The following TBXAS1 variants were observed in gnomAD, a reference collection of about 807,000 sequenced individuals.
The protein encoded by TBXAS1 is thromboxane-A synthase.
A neutral mutation model predicts 60.7 loss-of-function variants in TBXAS1; 48 were observed. The observed-to-expected ratio is 0.79, with a 90% CI of 0.63 to 1.01. TBXAS1 has a LOEUF of 1.01. TBXAS1 is among the 50% of genes least tolerant of loss of function. The pLI, the probability that TBXAS1 is intolerant of heterozygous loss-of-function variation, is 0.00. For synonymous variants in TBXAS1, 287 were observed against 269.7 expected, an observed-to-expected ratio of 1.06 and a Z score of -0.63; for missense variants, 685 against 686.3, an observed-to-expected ratio of 1.00 and a Z score of 0.02.
At chr7:139,963,235 C>A (rs1318180333) in intron 9 of TBXAS1, among the ~76,000 whole-genome samples, 1 of 152,202 alleles carries the variant, frequency 6.6e-6, no homozygotes, top group East Asian at 1.9e-4. Flanking sequence ...ATGACAACTG[C>A]CAAGCTGGGC....
intron 4 of TBXAS1, among the ~76,000 whole-genome samples, chr7:139,811,752 T>G (rs1381524208): frequency 6.6e-6 from 1 of 152,234 alleles, no homozygotes; most frequent in African/African-American, 2.4e-5. Flanking sequence ...AAGCTGGATT[T>G]GACTGCTTTA....
intron 5 of TBXAS1, among the ~76,000 whole-genome samples, chr7:139,944,235 A>G (rs928819868): frequency 6.6e-5 from 10 of 152,204 alleles, no homozygotes; most frequent in African/African-American, 2.4e-4. Context: ...CTGTTTTGAC[A>G]GAGGGAGAAG....
chr7:139,802,773 GA>G (rs1206974743), intron 4 of TBXAS1, among the ~76,000 whole-genome samples: 2 of 152,166 alleles, frequency 1.3e-5, no homozygotes, highest in Non-Finnish European at 2.9e-5. Context: ...GACAGAGTGA[GA>G]CTTGGTCTCA....
chr7:139,788,472 C>T (rs1307617122), intron 4 of TBXAS1, among the ~76,000 whole-genome samples: 2 of 152,196 alleles, frequency 1.3e-5, no homozygotes, highest in Non-Finnish European at 2.9e-5. Context: ...TTACTTGTGG[C>T]TCAATAAATA....
chr7:139,837,615 G>T (rs1799153301), intron 1 of TBXAS1, among the ~76,000 whole-genome samples: 1 of 152,186 alleles, frequency 6.6e-6, no homozygotes, highest in Non-Finnish European at 1.5e-5. Flanking sequence ...AAGCTATGAG[G>T]ATCCAAAGGC....
At chr7:139,986,914 T>A (rs1372406060) in intron 9 of TBXAS1, among the ~76,000 whole-genome samples, 1 of 151,788 alleles carries the variant, frequency 6.6e-6, no homozygotes, top group African/African-American at 2.4e-5. Context: ...TTAACCACTA[T>A]GCGATCTTGG....
chr7:140,020,293 A>G lies in TBXAS1; in HGVS notation c.*194A>G, dbSNP rs1815459611. On this transcript the variant is annotated 3_prime_UTR_variant, in exon 13 of 13. Transcript: ENST00000448866. The stretch of plus-strand genomic sequence containing the variant: ...GTTGCACTTGGTTTTGACATTGCCA[A>G]TGGGGTTTGAACCAGTGCTCTCTCT... 8 of 699,158 alleles carry G rather than the reference A, an allele frequency of 1.1e-5. No homozygotes were observed. Among genetic ancestry groups the G allele is most frequent in the East Asian group, 2.7e-5 (1 of 36,652 alleles). The allele number at this position is 699,158 out of a possible 1,614,324, so 43.3% of individuals were successfully genotyped here.
rs148258306 is a variant in TBXAS1 at position 139,955,598 on chromosome 7, G to T, written c.679G>T (p.Val227Phe). ...FEFCIPRPILVLLLSFPSIMV... is the reference protein window; with the variant it reads ...FEFCIPRPILFLLLSFPSIMV... The stretch of plus-strand genomic sequence containing the variant: ...ATTCTGCATCCCCAGACCTATCCTG[G>T]TTTTACTCTGTAAGTGCGGCTGCAG... Residue 227 changes from valine to phenylalanine, a missense_variant, in exon 7 of 13, where the codon GTT (valine) becomes TTT (phenylalanine). Val to Phe is a conservative substitution (Grantham distance 50). Coordinates refer to ENST00000448866, the MANE Select transcript of TBXAS1 (RefSeq NM_001061.7). 1.9e-6 allele frequency: 3 copies of T among 1,614,046 alleles called. No homozygotes were observed. Among genetic ancestry groups the T allele is most frequent in the Non-Finnish European group, 2.5e-6 (3 of 1,180,052 alleles).
intron 4 of TBXAS1, among the ~76,000 whole-genome samples, chr7:139,816,872 G>A (rs559110032): frequency 4.6e-5 from 7 of 152,132 alleles, no homozygotes; most frequent in African/African-American, 7.2e-5. Flanking sequence ...AGGCTTCCTC[G>A]TAGGGCTGCG....
chr7:139,924,891 C>A (rs1324733871), intron 4 of TBXAS1, among the ~76,000 whole-genome samples: 6 of 152,042 alleles, frequency 3.9e-5, no homozygotes, highest in African/African-American at 1.4e-4. Flanking sequence ...CCACTTTTTC[C>A]AGCACCATTT....
intron 1 of TBXAS1, among the ~76,000 whole-genome samples, chr7:139,833,604 A>G (rs1798861637): frequency 6.6e-6 from 1 of 151,836 alleles, no homozygotes; most frequent in African/African-American, 2.4e-5. Flanking sequence ...CGAATCACTT[A>G]AATCTGGGAG....
At chr7:139,802,654 G>A (rs573197734) in intron 4 of TBXAS1, among the ~76,000 whole-genome samples, 24 of 152,254 alleles carry the variant, frequency 1.6e-4, no homozygotes, top group African/African-American at 4.6e-4. Context: ...GTGTGGTGGC[G>A]TGTGCCTGTA....
chr7:139,919,612 A>G (rs1584855292), intron 4 of TBXAS1, among the ~76,000 whole-genome samples: 4 of 152,318 alleles, frequency 2.6e-5, no homozygotes, highest in South Asian at 4.1e-4. Flanking sequence ...TCCCGATAAT[A>G]CATGAACCCG....
At chr7:139,998,465 GAAGACCTGGATTCA>G (rs1813447640) in intron 9 of TBXAS1, among the ~76,000 whole-genome samples, 1 of 152,154 alleles carries the variant, frequency 6.6e-6, no homozygotes, top group African/African-American at 2.4e-5. Flanking sequence ...CTTGGAATTT[GAAGACCTGGATTCA>G]GTTCCAACTC....
intron 1 of TBXAS1, among the ~76,000 whole-genome samples, chr7:139,857,348 CT>C (rs1226025689): frequency 6.6e-6 from 1 of 151,560 alleles, no homozygotes; most frequent in South Asian, 2.1e-4. Context: ...AGCCATTACT[CT>C]TTTTTTTTCT....
chr7:139,901,123 C>A (rs188248814), intron 3 of TBXAS1, among the ~76,000 whole-genome samples: 2 of 152,340 alleles, frequency 1.3e-5, no homozygotes, highest in East Asian at 3.9e-4. Flanking sequence ...CTAGGACACA[C>A]TTCCCTTACA....
At chr7:139,831,121 C>T (rs1035271293) in intron 1 of TBXAS1, among the ~76,000 whole-genome samples, 1 of 151,974 alleles carries the variant, frequency 6.6e-6, no homozygotes, top group African/African-American at 2.4e-5. Flanking sequence ...TTAATGTGTG[C>T]CCAGTCTGGA....
At chr7:139,982,627 T>G (rs963982735) in intron 9 of TBXAS1, among the ~76,000 whole-genome samples, 2 of 152,210 alleles carry the variant, frequency 1.3e-5, no homozygotes, top group Non-Finnish European at 2.9e-5. Flanking sequence ...ACATGTCACC[T>G]TCTATGTACA....
At position 139,947,549 on chromosome 7, in the gene TBXAS1, A is replaced by G. The variant is rs146618704; in HGVS notation, c.451-5819A>G. ...CTGCATGTCCTGCACATGTATCCCA[A>G]AACTTAAAATAAAATAAAATTTTAA... On this transcript the variant is annotated intron_variant, in intron 5 of 12. Coordinates refer to ENST00000448866, the MANE Select transcript of TBXAS1 (RefSeq NM_001061.7). 3.5e-3 allele frequency among the ~76,000 whole-genome samples: 533 copies of G among 152,312 alleles called. 4 individuals carry two copies. The highest frequency in any genetic ancestry group is 0.012 in the African/African-American group (516 of 41,564).
Sources: allele counts gnomAD v4.1 joint callset (sites outside exome capture counted in the v4.1 genomes callset), GRCh38; gene constraint gnomAD v4.1.1; transcripts MANE v1.5; gene names NCBI Gene and HGNC (gene_info 2026-07-23, HGNC 2026-07-21).